MVK: variants seen among roughly 807,000 people sequenced by gnomAD.
MVK encodes LH receptor mRNA-binding protein.
In MVK, 34 loss-of-function variants were observed where a neutral mutation model predicts 43.2. The observed-to-expected ratio is 0.79, with a 90% CI of 0.60 to 1.05. The LOEUF is 1.05. Ranked by LOEUF, MVK falls within the 50% of genes least tolerant of loss-of-function variation. MVK has a pLI of 0.00. For missense variants in MVK, 395 were observed against 504.0 expected, an observed-to-expected ratio of 0.78 and a Z score of 2.07; for synonymous variants, 190 against 219.8, an observed-to-expected ratio of 0.86 and a Z score of 1.20.
chr12:109,581,252 A>C, intron 4 of MVK, 143 bp from the exon 5 acceptor site: 1 of 997,124 alleles, frequency 1.0e-6, no homozygotes, highest in South Asian at 1.3e-5. Flanking sequence ...TTCAATAGGG[A>C]TACATTTGGG....
Position 109,596,807 on chromosome 12 carries a change from G to A in MVK, c.*230G>A, listed in dbSNP as rs1885938030. The stretch of plus-strand genomic sequence containing the variant: ...CCAGCCGAGCAGGAGGCCTAGGAGG[G>A]TCCTCTGAGACTCCAGACCTGAGGC... On this transcript the variant is annotated 3_prime_UTR_variant, in exon 11 of 11. Coordinates refer to ENST00000228510, the MANE Select transcript of MVK (RefSeq NM_000431.4). 4 of 630,612 alleles carry A rather than the reference G, an allele frequency of 6.3e-6. No individual in the cohort carries two copies. The highest frequency in any genetic ancestry group is 1.1e-5 in the Non-Finnish European group (4 of 365,488). 39.1% of individuals were successfully genotyped at this position (630,612 alleles called of 1,614,324 possible).
intron 9 of MVK, 56 bp from the exon 10 acceptor site, chr12:109,594,972 A>C: frequency 9.3e-6 from 15 of 1,609,156 alleles, no homozygotes; most frequent in Non-Finnish European, 1.3e-5. Flanking sequence ...AGGGGTGGGC[A>C]TAGGACCTTG....
intron 7 of MVK, 83 bp downstream of exon 7, chr12:109,586,882 C>A: frequency 6.5e-7 from 1 of 1,537,984 alleles, no homozygotes. Context: ...TTGGGAAGTA[C>A]CATAGGAGGC....
intron 6 of MVK, among the ~76,000 whole-genome samples, chr12:109,586,358 G>A (rs1046456087): frequency 6.6e-6 from 1 of 152,170 alleles, no homozygotes; most frequent in Non-Finnish European, 1.5e-5. Context: ...CAGCTTCCAC[G>A]AGCTCCCCAA....
rs1486314483 is a variant in MVK at position 109,595,469 on chromosome 12, A to G, written c.1039+288A>G. On this transcript the variant is annotated intron_variant, in intron 10 of 10. Transcript: ENST00000228510. The surrounding 1 kb of genome is among the most constrained non-coding windows in gnomAD (Gnocchi z 5.9). ...CTCCTGTCATCGGGGCTGTCCGCAC[A>G]AGCTTGGGAAGTAACCAGGGCATTG... 6.6e-6 allele frequency among the ~76,000 whole-genome samples: 1 copy of G among 152,120 alleles called. No individual in the cohort carries two copies. The highest frequency in any genetic ancestry group is 1.5e-5 in the Non-Finnish European group (1 of 68,026).
In MVK at chr12:109,579,166, G is replaced by T. The variant is rs1263750359; in HGVS notation, c.227-636G>T. On this transcript the variant is annotated intron_variant, in intron 3 of 10. Coordinates refer to ENST00000228510, the MANE Select transcript of MVK (RefSeq NM_000431.4). ...TTTTTTTTTTTTTTTTTGAGACAGGGTCTCACTCTGTTATGCAGCCTGGAG... is the reference window on the plus strand; with the variant it reads ...TTTTTTTTTTTTTTTTTGAGACAGGTTCTCACTCTGTTATGCAGCCTGGAG... The T allele has an allele frequency of 7.3e-6, 3 of 410,964 alleles. No individual in the cohort carries two copies. The East Asian group carries it at 2.3e-4, about 31-fold the overall frequency. 25.5% of individuals were successfully genotyped at this position (410,964 alleles called of 1,614,324 possible).
At position 109,590,795 on chromosome 12, in the gene MVK, G is replaced by C; in HGVS notation, c.702G>C (p.Leu234=). The C allele has an allele frequency of 6.2e-7, 1 of 1,614,162 alleles. No homozygotes were observed. The highest frequency in any genetic ancestry group is 8.5e-7 in the Non-Finnish European group (1 of 1,180,036). Residue 234 remains leucine, a synonymous_variant, in exon 8 of 11, where the codon CTG becomes CTC. Coordinates refer to ENST00000228510, the MANE Select transcript of MVK (RefSeq NM_000431.4). The part of the protein sequence containing the change: ...LKRSPALQIL[L]TNTKVPRNTR... Reference sequence around the variant, plus strand: ...GGTCGCCAGCTCTCCAGATCCTGCTGACCAACACCAAAGTCCCTCGCAATA... The same window carrying C: ...GGTCGCCAGCTCTCCAGATCCTGCTCACCAACACCAAAGTCCCTCGCAATA...
intron 7 of MVK, chr12:109,590,488 G>A (rs567659377): frequency 2.3e-5 from 11 of 482,512 alleles, no homozygotes; most frequent in East Asian, 1.2e-4. Context: ...CTCTGGCCCC[G>A]GCCCCAAGGC....
rs1885225832 is a variant in MVK at position 109,581,680 on chromosome 12, G to C, written c.527+130G>C. ...ATAGTGGCCATTTTAACATGAGGAA[G>C]CTGAGCCCCGAGAGGTCAAATGGCT... On this transcript the variant is annotated intron_variant, in intron 5 of 10. Coordinates refer to ENST00000228510, the MANE Select transcript of MVK (RefSeq NM_000431.4). The C allele has an allele frequency of 2.2e-6, 3 of 1,359,760 alleles. No individual in the cohort carries two copies. The African/African-American group carries it at 4.3e-5, about 20-fold the overall frequency. 84.2% of individuals were successfully genotyped at this position (1,359,760 alleles called of 1,614,324 possible).
intron 5 of MVK, among the ~76,000 whole-genome samples, chr12:109,585,773 A>G (rs1392848421): frequency 6.6e-6 from 1 of 152,164 alleles, no homozygotes; most frequent in East Asian, 1.9e-4. Flanking sequence ...AAAAAAGAAA[A>G]AAAAAGAGGC....
At chr12:109,581,958 T>C (rs890776190) in intron 5 of MVK, among the ~76,000 whole-genome samples, 1 of 152,188 alleles carries the variant, frequency 6.6e-6, no homozygotes, top group African/African-American at 2.4e-5. Flanking sequence ...CTAGGGGTGA[T>C]TGTCCAGTTT....
intron 5 of MVK, among the ~76,000 whole-genome samples, chr12:109,583,090 T>A (rs1031313072): frequency 1.6e-4 from 5 of 31,836 alleles, no homozygotes; most frequent in Non-Finnish European, 2.7e-4. Context: ...CCTTGGTCTG[T>A]TTTTTTTTTC....
intron 7 of MVK, 157 bp downstream of exon 7, chr12:109,586,956 G>GTCTTCCCCACCACCCCT: frequency 3.6e-6 from 3 of 825,622 alleles, no homozygotes; most frequent in Non-Finnish European, 5.9e-6. Flanking sequence ...AAGGAAGCAG[G>GTCTTCCCCACCACCCCT]GGTGGTGGGG....
chr12:109,590,111 T>G (rs1885602802), intron 7 of MVK: 1 of 164,870 alleles, frequency 6.1e-6, no homozygotes, highest in Admixed American at 5.6e-5. Context: ...ACCATCCTCC[T>G]CTGCAACCCT....
chr12:109,583,583 GC>G (rs1885314731), intron 5 of MVK, among the ~76,000 whole-genome samples: 1 of 152,200 alleles, frequency 6.6e-6, no homozygotes, highest in Non-Finnish European at 1.5e-5. Flanking sequence ...CTTTATAGCA[GC>G]ATGATTTATA....
chr12:109,573,511 G>C (rs778888719), upstream of MVK: 1 of 1,581,088 alleles, frequency 6.3e-7, no homozygotes, highest in Non-Finnish European at 8.5e-7. Context: ...ACCTGACCCC[G>C]CCAGGTTCCC....
At chr12:109,590,109 C>T (rs1365936974) in intron 7 of MVK, 1 of 164,638 alleles carries the variant, frequency 6.1e-6, no homozygotes, top group Non-Finnish European at 1.3e-5. Flanking sequence ...GGACCATCCT[C>T]CTCTGCAACC....
intron 5 of MVK, among the ~76,000 whole-genome samples, chr12:109,582,421 C>T (rs1469926247): frequency 6.6e-6 from 1 of 152,178 alleles, no homozygotes; most frequent in African/African-American, 2.4e-5. Context: ...ACTGCAACCT[C>T]TGCCTCCAGG....
At chr12:109,573,314 G>GT (rs755501024), upstream of MVK, 5 of 1,612,012 alleles carry the variant, frequency 3.1e-6, no homozygotes, top group African/African-American at 6.7e-5. Context: ...TTCACGGCAG[G>GT]TGTTCGAGTT....
Sources: gnomAD v4.1 joint callset for allele counts (sites outside exome capture counted in the v4.1 genomes callset) on GRCh38, gnomAD v4.1.1 for gene constraint, Gnocchi (gnomAD v3.1) non-coding constraint, MANE v1.5 for transcripts, NCBI Gene and HGNC (gene_info 2026-07-23, HGNC 2026-07-21) for gene names.